FOXP2: variants seen among roughly 807,000 people sequenced by gnomAD.
FOXP2 encodes the protein forkhead box P2.
In FOXP2, 12 loss-of-function variants were observed where a neutral mutation model predicts 115.8. The observed-to-expected ratio is 0.10, with a 90% confidence interval of 0.07 to 0.17. The LOEUF is 0.17. Ranked by LOEUF, FOXP2 falls within the 10% of genes least tolerant of loss-of-function variation. The probability of loss-of-function intolerance (pLI) is 1.00; values close to 1 mark genes in which losing one functional copy is unlikely to be tolerated. For synonymous variants in FOXP2, 328 were observed against 297.7 expected (o/e 1.10, Z -1.05); for missense variants, 629 against 843.5 (o/e 0.75, Z 3.15).
At chr7:114,318,019 A>G (rs990210249) in intron 2 of FOXP2, among the ~76,000 whole-genome samples, 3 of 152,182 alleles carry the variant, frequency 2.0e-5, no homozygotes, top group African/African-American at 7.2e-5. Flanking sequence ...GGCAGCCCTG[A>G]CAATCCTAAT....
chr7:114,097,462 T>C (rs1298313350), intron 1 of FOXP2, among the ~76,000 whole-genome samples: 1 of 152,238 alleles, frequency 6.6e-6, no homozygotes, highest in East Asian at 1.9e-4. Context: ...GTATATCATT[T>C]TTGCCCTTGC....
chr7:114,399,855 T>C (rs1385949465), intron 2 of FOXP2, among the ~76,000 whole-genome samples: 1 of 151,582 alleles, frequency 6.6e-6, no homozygotes, highest in African/African-American at 2.4e-5. Flanking sequence ...TTTTCTTTTT[T>C]TTTTTTTTTT....
chr7:114,152,189 A>G lies in FOXP2; in HGVS notation c.-246-10755A>G, dbSNP rs376765199. On this transcript the variant is annotated intron_variant, in intron 1 of 19. Coordinates refer to the FOXP2 transcript ENST00000635638. The stretch of plus-strand genomic sequence containing the variant: ...AATACAGTATCTGGTATCTTACAGT[A>G]TGTGTGGCACAATGATGAAACAAAT... Among the ~76,000 whole-genome samples the G allele has an allele frequency of 3.1e-4, 47 of 152,192 alleles. 2 individuals are homozygous for G. Among genetic ancestry groups the G allele is most frequent in the African/African-American group, 9.9e-4 (41 of 41,464 alleles).
At position 114,419,713 on chromosome 7, in the gene FOXP2, GACAC is replaced by G. The variant is rs35955915; in HGVS notation, c.-11+4384_-11+4387del. 235 of 141,538 alleles carry G rather than the reference GACAC, an allele frequency of 1.7e-3. 1 individual carries two copies. Among genetic ancestry groups the G allele is most frequent in the Middle Eastern group, 7.2e-3 (2 of 278 alleles). 8.8% of individuals were successfully genotyped at this position (141,538 alleles called of 1,614,324 possible). ...GTGACAGGTCGCTTACATACACATA[GACAC>G]ACACACACACACACACACACACACA... On this transcript the variant is annotated intron_variant, in intron 1 of 16. Transcript: ENST00000350908.
intron 2 of FOXP2, among the ~76,000 whole-genome samples, chr7:114,521,149 T>C (rs1798604336): frequency 6.6e-6 from 1 of 152,176 alleles, no homozygotes; most frequent in Non-Finnish European, 1.5e-5. Context: ...TTATTTTACA[T>C]AGAGTACTAA....
chr7:114,623,553 T>C (rs767247698), intron 3 of FOXP2, among the ~76,000 whole-genome samples: 8 of 151,908 alleles, frequency 5.3e-5, no homozygotes, highest in South Asian at 4.1e-4. Context: ...TTTAAGCATA[T>C]GGTGTAGCAT....
intron 1 of FOXP2, among the ~76,000 whole-genome samples, chr7:114,193,303 A>C (rs1374184761): frequency 1.3e-5 from 2 of 152,036 alleles, no homozygotes; most frequent in Non-Finnish European, 2.9e-5. Flanking sequence ...TTCGAGTTTC[A>C]AATTCCAAGA....
chr7:114,619,757 G>A (rs1041296418), intron 3 of FOXP2, among the ~76,000 whole-genome samples: 2 of 151,966 alleles, frequency 1.3e-5, no homozygotes, highest in African/African-American at 2.4e-5. Flanking sequence ...GGCTGTGAAA[G>A]TATTGTCCAA....
chr7:114,237,160 A>G (rs1456149392), intron 1 of FOXP2, among the ~76,000 whole-genome samples: 2 of 152,238 alleles, frequency 1.3e-5, no homozygotes, highest in African/African-American at 4.8e-5. Context: ...ATATTTATAC[A>G]TAAATAAATG....
In FOXP2 at chr7:114,690,226, A is replaced by G. The variant is rs1808594674; in HGVS notation, c.*300A>G. On this transcript the variant is annotated 3_prime_UTR_variant, in exon 17 of 17. Transcript: ENST00000350908. Reference sequence around the variant, plus strand: ...TATAATGGCTTTGCCCATTTAAAAAATGTGGCTCTTAAGGGTTCATGAAAT... The same window carrying G: ...TATAATGGCTTTGCCCATTTAAAAAGTGTGGCTCTTAAGGGTTCATGAAAT... 2.1e-6 allele frequency: 1 copy of G among 481,648 alleles called. No individual in the cohort carries two copies. The highest frequency in any genetic ancestry group is 1.6e-5 in the South Asian group (1 of 64,240). The allele number at this position is 481,648 out of a possible 1,614,324, so 29.8% of individuals were successfully genotyped here. A position where few individuals can be genotyped will look rare whatever the true frequency, so the allele number is the denominator to read the frequency against.
chr7:114,603,117 G>A (rs896299402), intron 3 of FOXP2, among the ~76,000 whole-genome samples: 1 of 152,104 alleles, frequency 6.6e-6, no homozygotes, highest in African/African-American at 2.4e-5. Context: ...CCACCATGAT[G>A]CCAGTTTTTC....
chr7:114,324,230 C>A (rs914853518), intron 2 of FOXP2, among the ~76,000 whole-genome samples: 1 of 151,558 alleles, frequency 6.6e-6, no homozygotes, highest in Admixed American at 6.6e-5. Context: ...CTTCTTTGAC[C>A]ATATCCCAGT....
chr7:114,328,889 T>G (rs976800662), intron 2 of FOXP2, among the ~76,000 whole-genome samples: 1 of 152,196 alleles, frequency 6.6e-6, no homozygotes, highest in African/African-American at 2.4e-5. Flanking sequence ...AACCATGATA[T>G]ACTCTCTGGA....
chr7:114,548,645 T>C (rs1800052153), intron 3 of FOXP2, among the ~76,000 whole-genome samples: 1 of 152,212 alleles, frequency 6.6e-6, no homozygotes, highest in Admixed American at 6.5e-5. Context: ...TTTTTATTTA[T>C]ACTTAAAATG....
At chr7:114,363,814 GTA>G (rs941137079) in intron 2 of FOXP2, among the ~76,000 whole-genome samples, 1 of 151,676 alleles carries the variant, frequency 6.6e-6, no homozygotes, top group African/African-American at 2.4e-5. Context: ...TGATATTTGT[GTA>G]TATATGTGTA....
At chr7:114,212,770 A>C (rs1794393867) in intron 1 of FOXP2, among the ~76,000 whole-genome samples, 1 of 152,208 alleles carries the variant, frequency 6.6e-6, no homozygotes, top group African/African-American at 2.4e-5. Flanking sequence ...AGGGTGGGGA[A>C]AGTCTTTTTC....
At chr7:114,596,502 A>T (rs10085404) in intron 3 of FOXP2, among the ~76,000 whole-genome samples, 20,472 of 152,114 alleles carry the variant, frequency 0.13, 1,710 homozygotes, top group African/African-American at 0.23. Context: ...CAGCCATTTA[A>T]CAAGCAAGCC....
At chr7:114,206,752 A>T (rs1467873669) in intron 1 of FOXP2, among the ~76,000 whole-genome samples, 1 of 152,196 alleles carries the variant, frequency 6.6e-6, no homozygotes, top group Non-Finnish European at 1.5e-5. Context: ...GAAGGTTTTG[A>T]GCTATCTTAC....
At chr7:114,659,699 G>T (rs1474247290) in intron 13 of FOXP2, 26 bp downstream of exon 13, 1 of 1,551,832 alleles carries the variant, frequency 6.4e-7, no homozygotes, top group African/African-American at 1.4e-5. Context: ...GCAGTTTTAA[G>T]ATGCCTACCA....
Sources: allele counts gnomAD v4.1 joint callset (sites outside exome capture counted in the v4.1 genomes callset), GRCh38; gene constraint gnomAD v4.1.1; transcripts MANE v1.5; gene names NCBI Gene and HGNC (gene_info 2026-07-23, HGNC 2026-07-21).